PIK3AP1: variants seen among roughly 807,000 people sequenced by gnomAD.
PIK3AP1 encodes phosphoinositide 3-kinase adapter protein 1.
In PIK3AP1, 21 loss-of-function variants were observed where a neutral mutation model predicts 88.1. The ratio of observed to expected loss-of-function variants is 0.24; its 90% CI spans 0.17 to 0.34. PIK3AP1 has a LOEUF of 0.34. PIK3AP1 is among the 10% of genes least tolerant of loss of function. The pLI is 1.00. For missense variants in PIK3AP1, 828 were observed against 1,035.7 expected, an observed-to-expected ratio of 0.80 and a Z score of 2.75; for synonymous variants, 398 against 400.0, an observed-to-expected ratio of 1.00 and a Z score of 0.06.
intron 2 of PIK3AP1, among the ~76,000 whole-genome samples, chr10:96,686,660 G>A (rs1174543236): frequency 6.6e-6 from 1 of 152,074 alleles, no homozygotes; most frequent in Non-Finnish European, 1.5e-5. Context: ...AGCATTGTGC[G>A]GCTGCTTGAC....
chr10:96,712,535 GA>G (rs1844452233), intron 1 of PIK3AP1, among the ~76,000 whole-genome samples: 1 of 152,026 alleles, frequency 6.6e-6, no homozygotes, highest in African/African-American at 2.4e-5. Flanking sequence ...TACCTCAATG[GA>G]AAAATCATTT....
intron 2 of PIK3AP1, among the ~76,000 whole-genome samples, chr10:96,679,032 G>C (rs1002280903): frequency 6.6e-6 from 1 of 152,136 alleles, no homozygotes; most frequent in Middle Eastern, 3.2e-3. Context: ...AATGCTCTGG[G>C]GAAGGTTCAG....
intron 7 of PIK3AP1, among the ~76,000 whole-genome samples, chr10:96,646,343 A>G (rs771751441): frequency 2.0e-5 from 3 of 152,116 alleles, no homozygotes; most frequent in Non-Finnish European, 4.4e-5. Flanking sequence ...ATCTCCTGTA[A>G]TCCATTCCAC....
At chr10:96,711,669 C>G (rs1844437984) in intron 1 of PIK3AP1, among the ~76,000 whole-genome samples, 1 of 149,804 alleles carries the variant, frequency 6.7e-6, no homozygotes, top group Admixed American at 6.6e-5. Context: ...CCACTATATT[C>G]AAACCAAAAA....
At chr10:96,678,362 G>A (rs1374250072) in intron 2 of PIK3AP1, among the ~76,000 whole-genome samples, 1 of 152,046 alleles carries the variant, frequency 6.6e-6, no homozygotes, top group African/African-American at 2.4e-5. Flanking sequence ...TTGAACCCAG[G>A]AGGCGGAGGT....
intron 2 of PIK3AP1, among the ~76,000 whole-genome samples, chr10:96,678,933 C>G (rs1370068238): frequency 6.6e-6 from 1 of 152,136 alleles, no homozygotes; most frequent in African/African-American, 2.4e-5. Context: ...CAAGGAGCAC[C>G]TGGAAGGTTC....
intron 2 of PIK3AP1, among the ~76,000 whole-genome samples, chr10:96,696,649 G>T (rs1844225436): frequency 3.3e-5 from 5 of 152,052 alleles, no homozygotes; most frequent in Admixed American, 2.6e-4. Flanking sequence ...GAACCCACAT[G>T]CATAAATCTT....
intron 15 of PIK3AP1, chr10:96,603,704 ACACACACC>A (rs751304610): frequency 4.6e-6 from 1 of 217,760 alleles, no homozygotes; most frequent in Non-Finnish European, 8.7e-6. Context: ...ACACACACAC[ACACACACC>A]ACATATATAT....
chr10:96,668,985 T>C (rs1421660401), intron 2 of PIK3AP1, among the ~76,000 whole-genome samples: 1 of 151,974 alleles, frequency 6.6e-6, no homozygotes, highest in Non-Finnish European at 1.5e-5. Context: ...TACAAAAATT[T>C]GCCAGGCGTG....
chr10:96,593,761 T>C lies in PIK3AP1; in HGVS notation c.*1816A>G, dbSNP rs1016685442. On this transcript the variant is annotated 3_prime_UTR_variant, in exon 17 of 17. Transcript: ENST00000339364. ...CAAGGTAATTAATTACTACAAACAC[T>C]CTCGTGATGGACATGGCCAATAGTG... The C allele has an allele frequency of 6.6e-6, 1 of 152,060 alleles. No individual in the cohort carries two copies. Among genetic ancestry groups the C allele is most frequent in the African/African-American group, 2.4e-5 (1 of 41,400 alleles). 9.4% of individuals were successfully genotyped at this position (152,060 alleles called of 1,614,324 possible).
intron 2 of PIK3AP1, among the ~76,000 whole-genome samples, chr10:96,676,183 C>G (rs610933): frequency 0.17 from 26,480 of 152,048 alleles, 3,309 homozygotes; most frequent in African/African-American, 0.34. Context: ...AGCAAGCATT[C>G]TCAGGAACTT....
At chr10:96,608,673 C>T (rs1038315857) in intron 14 of PIK3AP1, among the ~76,000 whole-genome samples, 4 of 152,116 alleles carry the variant, frequency 2.6e-5, no homozygotes, top group African/African-American at 9.7e-5. Flanking sequence ...GTGTGTGTGC[C>T]CACAGACACA....
At chr10:96,628,879 T>G (rs12412670) in intron 8 of PIK3AP1, among the ~76,000 whole-genome samples, 1 of 10,438 alleles carries the variant, frequency 9.6e-5, no homozygotes, top group African/African-American at 1.5e-4. Context: ...TATACACATA[T>G]ATATATATAC....
At chr10:96,713,498 C>T (rs4919053) in intron 1 of PIK3AP1, among the ~76,000 whole-genome samples, 50,372 of 134,782 alleles carry the variant, frequency 0.37, 10,052 homozygotes, top group African/African-American at 0.52. Flanking sequence ...ACCGAGACTC[C>T]GTCTTAAAAA....
At chr10:96,688,706 G>A (rs1844109553) in intron 2 of PIK3AP1, among the ~76,000 whole-genome samples, 1 of 151,998 alleles carries the variant, frequency 6.6e-6, no homozygotes. Flanking sequence ...GCTGAGGCAG[G>A]AGAATCACTT....
intron 2 of PIK3AP1, among the ~76,000 whole-genome samples, chr10:96,687,570 ATTCT>A (rs941294499): frequency 6.6e-6 from 1 of 152,092 alleles, no homozygotes; most frequent in African/African-American, 2.4e-5. Context: ...CAGTGACATC[ATTCT>A]TCCAGTCACC....
chr10:96,681,663 G>A (rs1261378958), intron 2 of PIK3AP1, among the ~76,000 whole-genome samples: 3 of 152,166 alleles, frequency 2.0e-5, no homozygotes, highest in South Asian at 2.1e-4. Context: ...GCACCGAACC[G>A]GAGGCTGCTG....
chr10:96,698,993 C>A (rs1231654864), intron 2 of PIK3AP1, among the ~76,000 whole-genome samples: 2 of 151,976 alleles, frequency 1.3e-5, no homozygotes, highest in African/African-American at 2.4e-5. Flanking sequence ...GCCTGGCCAA[C>A]ATAGAGAAAT....
At chr10:96,652,039 C>T (rs373687514) in intron 4 of PIK3AP1, among the ~76,000 whole-genome samples, 1 of 151,906 alleles carries the variant, frequency 6.6e-6, no homozygotes. Context: ...GTGTTTCTGC[C>T]ACATTGGGGC....
Sources: gnomAD v4.1 joint callset for allele counts (sites outside exome capture counted in the v4.1 genomes callset) on GRCh38, gnomAD v4.1.1 for gene constraint, MANE v1.5 for transcripts, NCBI Gene and HGNC (gene_info 2026-07-23, HGNC 2026-07-21) for gene names.